The following NFIB variants were observed in gnomAD, a reference collection of about 807,000 sequenced individuals.
NFIB encodes the protein nuclear factor 1 B-type.
NFIB carries 11 observed loss-of-function variants against 61.5 expected under a neutral mutation model. The ratio of observed to expected loss-of-function variants is 0.18; its 90% CI spans 0.11 to 0.30. The LOEUF (loss-of-function observed/expected upper bound fraction) is 0.30. NFIB is among the 10% of genes least tolerant of loss of function. The probability of loss-of-function intolerance (pLI) is 1.00; values close to 1 mark genes in which losing one functional copy is unlikely to be tolerated. For missense variants in NFIB, 471 were observed against 608.9 expected, an observed-to-expected ratio of 0.77 and a Z score of 2.38; for synonymous variants, 260 against 216.5, an observed-to-expected ratio of 1.20 and a Z score of -1.76.
intron 1 of NFIB, among the ~76,000 whole-genome samples, chr9:14,312,624 C>G (rs1458345990): frequency 6.6e-6 from 1 of 152,276 alleles, no homozygotes; most frequent in African/African-American, 2.4e-5. Context: ...TAAAGTGATA[C>G]AAATCGTGTT....
chr9:14,346,079 G>A (rs1274474792), intron 1 of NFIB, among the ~76,000 whole-genome samples: 2 of 152,318 alleles, frequency 1.3e-5, no homozygotes, highest in East Asian at 3.9e-4. Flanking sequence ...GGCGCGCACA[G>A]TAGAAGCGGG....
At chr9:14,393,338 T>C (rs982956721) in intron 1 of NFIB, among the ~76,000 whole-genome samples, 9 of 152,214 alleles carry the variant, frequency 5.9e-5, no homozygotes, top group South Asian at 2.1e-4. Flanking sequence ...AATATCTCCA[T>C]GTCTGGTTCC....
the NFIB span, among the ~76,000 whole-genome samples, chr9:14,502,156 C>G: frequency 6.6e-6 from 1 of 152,324 alleles, no homozygotes; most frequent in South Asian, 2.1e-4. Flanking sequence ...CTGTCATCAG[C>G]TGGTGTAGGG....
chr9:14,191,332 A>G (rs1422197019), intron 2 of NFIB, among the ~76,000 whole-genome samples: 1 of 152,154 alleles, frequency 6.6e-6, no homozygotes, highest in Non-Finnish European at 1.5e-5. Flanking sequence ...TATCTTGAAA[A>G]AAATAAACAA....
intron 6 of NFIB, among the ~76,000 whole-genome samples, chr9:14,128,782 T>A (rs1233450696): frequency 6.6e-6 from 1 of 151,542 alleles, no homozygotes; most frequent in Non-Finnish European, 1.5e-5. Context: ...GAGAAGAGGA[T>A]CAATTAAGGC....
chr9:14,282,503 C>G (rs1046459357), intron 2 of NFIB, among the ~76,000 whole-genome samples: 2 of 152,160 alleles, frequency 1.3e-5, no homozygotes, highest in Admixed American at 1.3e-4. Flanking sequence ...GTCCAAATTA[C>G]AAGTGATGTG....
chr9:14,140,230 T>C (rs935426956), intron 6 of NFIB, among the ~76,000 whole-genome samples: 6 of 152,180 alleles, frequency 3.9e-5, no homozygotes, highest in African/African-American at 1.2e-4. Context: ...GCACTGCCAT[T>C]TTCTAGGACT....
the NFIB span, among the ~76,000 whole-genome samples, chr9:14,478,587 T>C: frequency 6.6e-6 from 1 of 152,196 alleles, no homozygotes; most frequent in Non-Finnish European, 1.5e-5. Flanking sequence ...ATAATACATA[T>C]TATTACGCAA....
intron 2 of NFIB, among the ~76,000 whole-genome samples, chr9:14,245,865 T>C (rs763953455): frequency 6.6e-6 from 1 of 152,022 alleles, no homozygotes; most frequent in Non-Finnish European, 1.5e-5. Flanking sequence ...AGAGCGAGAC[T>C]CTGTCTCGAA....
rs554357294 is a variant in NFIB, at chr9:14,201,483, A to G, written c.563-21703T>C. Among the ~76,000 whole-genome samples the G allele has an allele frequency of 2.0e-5, 3 of 152,020 alleles. No individual in the cohort carries two copies. In the South Asian group the frequency reaches 6.2e-4, roughly 32 times the overall value. On this transcript the variant is annotated intron_variant, in intron 2 of 10. Coordinates refer to ENST00000380953, the MANE Select transcript of NFIB (RefSeq NM_001190737.2). ...TGGAATATCCCTTATTTGATGCAAG[A>G]CAAACGCCTAATTCATCTTTAAAAG... is the stretch of plus-strand genomic sequence containing the variant.
intron 2 of NFIB, among the ~76,000 whole-genome samples, chr9:14,229,115 A>C (rs1035718433): frequency 6.6e-6 from 1 of 152,154 alleles, no homozygotes; most frequent in Admixed American, 6.5e-5. Context: ...AATCAACTAC[A>C]TACGATTTCA....
chr9:14,473,207 T>C, the NFIB span, among the ~76,000 whole-genome samples: 1 of 152,180 alleles, frequency 6.6e-6, no homozygotes, highest in Non-Finnish European at 1.5e-5. Flanking sequence ...AGGCTATGTT[T>C]CAGGAGGAGA....
chr9:14,188,631 T>C (rs2047628070), intron 2 of NFIB, among the ~76,000 whole-genome samples: 1 of 152,238 alleles, frequency 6.6e-6, no homozygotes, highest in Non-Finnish European at 1.5e-5. Context: ...TATCTTATAA[T>C]ATTAGATGAA....
chr9:14,378,031 A>C (rs1053361268), intron 1 of NFIB, among the ~76,000 whole-genome samples: 1 of 152,178 alleles, frequency 6.6e-6, no homozygotes, highest in African/African-American at 2.4e-5. Flanking sequence ...AGCTAGGATC[A>C]GCTGAAAGGA....
intron 2 of NFIB, among the ~76,000 whole-genome samples, chr9:14,229,894 C>T (rs763038318): frequency 3.9e-5 from 6 of 152,200 alleles, no homozygotes; most frequent in Non-Finnish European, 8.8e-5. Context: ...CTCCGCCTCC[C>T]GGGTTCAAGC....
chr9:14,412,288 A>G, the NFIB span, among the ~76,000 whole-genome samples: 1 of 152,170 alleles, frequency 6.6e-6, no homozygotes, highest in African/African-American at 2.4e-5. Flanking sequence ...TGACTCTCCC[A>G]TTGAACAATT....
At position 14,326,783 on chromosome 9, in the gene NFIB, C is replaced by T. The variant is rs142141620; in HGVS notation, c.109-19263G>A. On this transcript the variant is annotated intron_variant, in intron 1 of 8. Transcript: ENST00000380934. ...ATTCAACAGTGGTAAATCCAGGATGCCTTCTAGCTTTAAAAAATAATGTTT... is the reference window on the plus strand; with the variant it reads ...ATTCAACAGTGGTAAATCCAGGATGTCTTCTAGCTTTAAAAAATAATGTTT... Among the ~76,000 whole-genome samples, 442 of 151,122 alleles carry T rather than the reference C, an allele frequency of 2.9e-3. 2 individuals carry two copies. The highest frequency in any genetic ancestry group is 5.2e-3 in the Non-Finnish European group (352 of 67,928).
chr9:14,173,591 G>A (rs1749072282), intron 3 of NFIB, among the ~76,000 whole-genome samples: 1 of 152,048 alleles, frequency 6.6e-6, no homozygotes, highest in Non-Finnish European at 1.5e-5. Flanking sequence ...ATATCTGCTG[G>A]CTGAAAAATC....
the NFIB span, among the ~76,000 whole-genome samples, chr9:14,446,633 T>G: frequency 6.6e-6 from 1 of 152,118 alleles, no homozygotes; most frequent in East Asian, 1.9e-4. Context: ...TTGAAAACAG[T>G]ATAATCATAC....
Sources: allele counts gnomAD v4.1 joint callset (sites outside exome capture counted in the v4.1 genomes callset), GRCh38; gene constraint gnomAD v4.1.1; transcripts MANE v1.5; gene names NCBI Gene and HGNC (gene_info 2026-07-23, HGNC 2026-07-21).